Variants in ZNF185 observed in about 807,000 individuals in gnomAD.
ZNF185 encodes zinc finger protein 185.
Under a neutral mutation model 58.6 loss-of-function variants are expected in ZNF185, and 56 were observed. The observed-to-expected ratio is 0.95, with a 90% CI of 0.77 to 1.19. The LOEUF (loss-of-function observed/expected upper bound fraction) is 1.19, where lower values mean the gene tolerates loss of function less well. Among genes scored for constraint, ZNF185 ranks in the 50% most tolerant of loss-of-function variants. ZNF185 has a pLI of 0.00. For synonymous variants in ZNF185, 230 were observed against 215.9 expected (o/e 1.07, Z -0.57); for missense variants, 627 against 573.5 (o/e 1.09, Z -0.95).
the ZNF185 span, among the ~76,000 whole-genome samples, chrX:152,898,713 C>A: frequency 8.9e-6 from 1 of 112,393 alleles, no homozygotes; most frequent in South Asian, 3.7e-4. Flanking sequence ...GTGCTGGGTA[C>A]AGGGCAATCT....
the ZNF185 span, among the ~76,000 whole-genome samples, chrX:152,907,073 A>G: frequency 9.1e-6 from 1 of 110,330 alleles, no homozygotes; most frequent in East Asian, 2.9e-4. Context: ...GCAGCGGGGA[A>G]GTTCTACAAA....
the ZNF185 span, among the ~76,000 whole-genome samples, chrX:152,899,254 G>T: frequency 1.8e-5 from 2 of 112,718 alleles, no homozygotes; most frequent in Non-Finnish European, 3.8e-5. Context: ...TCTGGCTGTC[G>T]TACCTGGCTG....
intron 7 of ZNF185, among the ~76,000 whole-genome samples, chrX:152,920,004 T>C (rs1251579965): frequency 8.8e-6 from 1 of 113,211 alleles, no homozygotes; most frequent in Non-Finnish European, 1.9e-5. Flanking sequence ...TGAAAGCTTC[T>C]TGGACTCAGT....
chrX:152,950,548 T>C (rs1313063723), intron 16 of ZNF185, among the ~76,000 whole-genome samples: 1 of 111,890 alleles, frequency 8.9e-6, no homozygotes. Flanking sequence ...TTACCCATTA[T>C]AGACTAATTT....
intron 2 of ZNF185, 49 bp downstream of exon 3, chrX:152,914,882 T>C (rs1938074052): frequency 3.5e-6 from 4 of 1,153,913 alleles, no homozygotes; most frequent in South Asian, 2.0e-5. Context: ...GGGCGCGCAA[T>C]CCGTGGGGGA....
intron 16 of ZNF185, among the ~76,000 whole-genome samples, chrX:152,957,779 A>G (rs1385008224): frequency 8.9e-6 from 1 of 112,906 alleles, no homozygotes; most frequent in East Asian, 2.8e-4. Flanking sequence ...AAACGACTTT[A>G]TAGCACAAAA....
exon 6 of ZNF185, chrX:152,918,105 C>T (rs781794843): frequency 6.7e-6 from 8 of 1,195,684 alleles, no homozygotes; most frequent in Non-Finnish European, 9.0e-6. Flanking sequence ...TGGTCCTCCC[C>T]GCCCCTCCTC....
chrX:152,967,059 CATCG>C, intron 19 of ZNF185, 104 bp from the exon 22 acceptor site: 1 of 745,721 alleles, frequency 1.3e-6, no homozygotes, highest in Non-Finnish European at 2.0e-6. Context: ...TGACGACTGG[CATCG>C]TAGTTATGTC....
chrX:152,938,342 C>T (rs781793259), intron 15 of ZNF185, among the ~76,000 whole-genome samples, 179 bp downstream of exon 17: 1 of 112,557 alleles, frequency 8.9e-6, no homozygotes, highest in South Asian at 3.6e-4. Context: ...AGGGAGCTTT[C>T]CACTAAACTG....
At chrX:152,964,173 G>C (rs1556912749) in intron 18 of ZNF185, among the ~76,000 whole-genome samples, 1 of 112,771 alleles carries the variant, frequency 8.9e-6, no homozygotes, top group Admixed American at 9.3e-5. Flanking sequence ...ATCTCTGTAA[G>C]AGGCTGCAGT....
At chrX:152,899,713 GT>G in the ZNF185 span, among the ~76,000 whole-genome samples, 6 of 111,900 alleles carry the variant, frequency 5.4e-5, no homozygotes, top group Non-Finnish European at 9.4e-5. Flanking sequence ...AACATTAGGG[GT>G]TCCTCAGTCC....
In ZNF185 at chrX:152,934,764, G is replaced by C. The variant is rs1038659409; in HGVS notation, c.1121+1793G>C. Among the ~76,000 whole-genome samples the C allele has an allele frequency of 6.2e-5, 7 of 112,186 alleles. No homozygotes were observed. In the East Asian group the frequency reaches 1.7e-3, roughly 27 times the overall value. On this transcript the variant is annotated intron_variant, in intron 14 of 22. Coordinates refer to ENST00000449285, the Ensembl canonical transcript of ZNF185. ...ACAGAAAAAAGCCTGTACATGGTCA[G>C]TACAGATGCAGCCATCCTATTTTAA...
intron 14 of ZNF185, among the ~76,000 whole-genome samples, 188 bp from the exon 17 acceptor site, chrX:152,937,886 C>G (rs1282720785): frequency 2.7e-5 from 3 of 112,600 alleles, no homozygotes; most frequent in Non-Finnish European, 5.6e-5. Context: ...AAGGCCATGT[C>G]CAAAGCTGAC....
chrX:152,947,930 T>C (rs1324729559), intron 16 of ZNF185, among the ~76,000 whole-genome samples: 1 of 112,089 alleles, frequency 8.9e-6, no homozygotes, highest in East Asian at 2.8e-4. Flanking sequence ...TATTAATTAT[T>C]GATCCCCTAA....
chrX:152,959,317 G>C (rs192800722), intron 16 of ZNF185, among the ~76,000 whole-genome samples: 1 of 112,340 alleles, frequency 8.9e-6, no homozygotes, highest in East Asian at 2.8e-4. Flanking sequence ...TGAGCACCAT[G>C]GTCAGGGAAG....
At chrX:152,942,900 G>A (rs781851207) in intron 15 of ZNF185, among the ~76,000 whole-genome samples, 4 of 111,380 alleles carry the variant, frequency 3.6e-5, no homozygotes, top group African/African-American at 9.8e-5. Context: ...GAGTTCCGGG[G>A]ATTGAGATCA....
At chrX:152,902,442 G>A in the ZNF185 span, among the ~76,000 whole-genome samples, 1 of 113,045 alleles carries the variant, frequency 8.8e-6, no homozygotes, top group African/African-American at 3.2e-5. Flanking sequence ...CACAAGAACC[G>A]GCATCCCTGG....
chrX:152,943,648 C>T (rs782815117), intron 15 of ZNF185, among the ~76,000 whole-genome samples: 10 of 112,885 alleles, frequency 8.9e-5, no homozygotes, highest in African/African-American at 3.2e-4. Context: ...GGCCCTGCCA[C>T]AGGCCTAGGA....
intron 14 of ZNF185, 65 bp downstream of exon 16, chrX:152,936,578 C>G (rs2046312152): frequency 1.0e-6 from 1 of 999,181 alleles, no homozygotes. Context: ...GGGGCCCAGC[C>G]TCAGCTGCAG....
Sources: allele counts gnomAD v4.1 joint callset (sites outside exome capture counted in the v4.1 genomes callset), GRCh38; gene constraint gnomAD v4.1.1; transcripts MANE v1.5; gene names NCBI Gene and HGNC (gene_info 2026-07-23, HGNC 2026-07-21).